The following ANO5 variants were observed in gnomAD, a reference collection of about 807,000 sequenced individuals.
ANO5 encodes the protein anoctamin-5.
ANO5 carries 109 observed loss-of-function variants against 121.0 expected under a neutral mutation model. That is an observed-to-expected ratio of 0.90 (90% CI 0.77 to 1.06). ANO5 has a LOEUF of 1.06. ANO5 is among the 50% of genes least tolerant of loss of function. ANO5 has a pLI of 0.00. For synonymous variants in ANO5, 406 were observed against 359.9 expected, an observed-to-expected ratio of 1.13 and a Z score of -1.45; for missense variants, 1,064 against 1,078.5, an observed-to-expected ratio of 0.99 and a Z score of 0.19.
chr11:22,275,681 AG>A (rs1854813718), intron 20 of ANO5, among the ~76,000 whole-genome samples: 1 of 151,912 alleles, frequency 6.6e-6, no homozygotes. Context: ...AGAAGATAGA[AG>A]TGGCCTATAT....
At chr11:22,204,588 G>C (rs1335433841) in intron 2 of ANO5, among the ~76,000 whole-genome samples, 1 of 152,090 alleles carries the variant, frequency 6.6e-6, no homozygotes, top group African/African-American at 2.4e-5. Flanking sequence ...TTGGCTATTT[G>C]CTAGTTGGCT....
At chr11:22,241,216 A>T (rs1853418534) in intron 9 of ANO5, among the ~76,000 whole-genome samples, 1 of 152,172 alleles carries the variant, frequency 6.6e-6, no homozygotes, top group Non-Finnish European at 1.5e-5. Context: ...AGTCATCCTT[A>T]TGTCTATGTG....
chr11:22,219,294 C>A (rs2133581606), intron 4 of ANO5, among the ~76,000 whole-genome samples: 1 of 152,092 alleles, frequency 6.6e-6, no homozygotes, highest in South Asian at 2.1e-4. Flanking sequence ...ACTGAGCACT[C>A]CGGAAAATCA....
chr11:22,222,873 C>G (rs909136784), intron 5 of ANO5, among the ~76,000 whole-genome samples: 6 of 151,962 alleles, frequency 3.9e-5, no homozygotes, highest in African/African-American at 1.4e-4. Flanking sequence ...TTTTCTCCCA[C>G]TTTCTTAGAT....
chr11:22,221,118 A>G lies in ANO5; in HGVS notation c.202A>G (p.Lys68Glu). The G allele has an allele frequency of 6.2e-7, 1 of 1,611,718 alleles. No individual in the cohort carries two copies. The highest frequency in any genetic ancestry group is 8.5e-7 in the Non-Finnish European group (1 of 1,178,548). ...GCAGTTTCAAAAAAATCAGCAAAGC[A>G]AAGATTCTATCTTCTTCCGAGATGG... ...RLMFQKNQQS[K>E]DSIFFRDGIR... is the part of the protein sequence containing the mutation. Residue 68 changes from lysine to glutamate, a missense_variant, in exon 5 of 22, where the codon AAA (lysine) becomes GAA (glutamate). By Grantham distance (56) the Lys-to-Glu change is moderately conservative (BLOSUM62 1). Coordinates refer to ENST00000324559, the MANE Select transcript of ANO5 (RefSeq NM_213599.3).
At chr11:22,229,464 G>A (rs1295630348) in intron 7 of ANO5, among the ~76,000 whole-genome samples, 1 of 151,596 alleles carries the variant, frequency 6.6e-6, no homozygotes, top group Non-Finnish European at 1.5e-5. Flanking sequence ...GGATTTATGG[G>A]AATAAAGAGC....
chr11:22,241,041 A>G (rs1208924636), intron 9 of ANO5, among the ~76,000 whole-genome samples: 3 of 151,674 alleles, frequency 2.0e-5, no homozygotes, highest in East Asian at 3.9e-4. Context: ...TCAACTTTTT[A>G]ATTTTAGATT....
intron 3 of ANO5, among the ~76,000 whole-genome samples, chr11:22,211,882 G>A (rs1045723276): frequency 6.6e-6 from 1 of 151,922 alleles, no homozygotes; most frequent in Non-Finnish European, 1.5e-5. Flanking sequence ...TAGCAAGGAT[G>A]ATAGTTTGCT....
Position 22,230,005 on chromosome 11 carries a change from G to A in ANO5, c.648+2419G>A, listed in dbSNP as rs1376817724. Reference sequence around the variant, plus strand: ...ATTTCACAACAATCATGGCATCTGAGCTTCACAATATATAGTAAATAATAT... The same window carrying A: ...ATTTCACAACAATCATGGCATCTGAACTTCACAATATATAGTAAATAATAT... On this transcript the variant is annotated intron_variant, in intron 7 of 21. Transcript: ENST00000324559. Among the ~76,000 whole-genome samples, 8 of 151,978 alleles carry A rather than the reference G, an allele frequency of 5.3e-5. No homozygotes were observed. In the East Asian group the frequency reaches 1.5e-3, roughly 29 times the overall value.
rs147687345 is a variant in ANO5 at position 22,239,809 on chromosome 11, C to T, written c.878+125C>T. Reference sequence around the variant, plus strand: ...ATTTCACAACTTCTTGATTTCATATCTACACTATAAATTAGCAATTCATTT... The same window carrying T: ...ATTTCACAACTTCTTGATTTCATATTTACACTATAAATTAGCAATTCATTT... On this transcript the variant is annotated intron_variant, in intron 9 of 21. Coordinates refer to ENST00000324559, the MANE Select transcript of ANO5 (RefSeq NM_213599.3). 414 of 730,630 alleles carry T rather than the reference C, an allele frequency of 5.7e-4. 4 individuals are homozygous for T. The East Asian group carries it at 9.8e-3, about 17-fold the overall frequency. 45.3% of individuals were successfully genotyped at this position (730,630 alleles called of 1,614,324 possible). A position where few individuals can be genotyped will look rare whatever the true frequency, so the allele number is the denominator to read the frequency against.
rs1203866430 is a variant in ANO5, at chr11:22,239,607, C to T, written c.801C>T (p.Thr267=). The change falls in exon 9 of 22, where the codon ACC becomes ACT. Residue 267 remains threonine, a synonymous_variant. Coordinates refer to ENST00000324559, the MANE Select transcript of ANO5 (RefSeq NM_213599.3). ...AGCCATCAGAACCTCCCAATCCTAC[C>T]AATGAAAGATACACACTTCACCAGA... ...YWKPSEPPNP[T]NERYTLHQNW... is the part of the protein sequence containing the mutation. The T allele has an allele frequency of 6.2e-7, 1 of 1,612,864 alleles. No homozygotes were observed. Among genetic ancestry groups the T allele is most frequent in the Non-Finnish European group, 8.5e-7 (1 of 1,179,126 alleles).
In ANO5 at chr11:22,250,777, G is replaced by T. The variant is rs373859984; in HGVS notation, c.1050G>T (p.Met350Ile). ...GTGACCCTGAGATTGGTGGTCAGATGATCATGTGCCCACTCTGTGATCAAG... is the reference window on the plus strand; with the variant it reads ...GTGACCCTGAGATTGGTGGTCAGATTATCATGTGCCCACTCTGTGATCAAG... ...EICDPEIGGQ[M>I]IMCPLCDQVC... is the part of the protein sequence containing the mutation. Residue 350 changes from methionine (M) to isoleucine (I), a missense_variant, in exon 11 of 22, where the codon ATG becomes ATT. Transcript: ENST00000324559. 2.5e-6 allele frequency: 4 copies of T among 1,614,040 alleles called. No homozygotes were observed. The Admixed American group carries it at 6.7e-5, about 27-fold the overall frequency.
chr11:22,214,718 A>G (rs1852384759), intron 3 of ANO5, among the ~76,000 whole-genome samples: 1 of 151,974 alleles, frequency 6.6e-6, no homozygotes, highest in Non-Finnish European at 1.5e-5. Context: ...CATTCGTGAG[A>G]AGCAAGAGGT....
At position 22,282,934 on chromosome 11, in the gene ANO5, A is replaced by AT. The variant is rs1184813361; in HGVS notation, c.*3171dup. On this transcript the variant is annotated 3_prime_UTR_variant, in exon 22 of 22. Coordinates refer to ENST00000324559, the MANE Select transcript of ANO5 (RefSeq NM_213599.3). ...GAAAAATAGCATTGCAAAAAGTACC[A>AT]TTGGCCAGCCTTACAAGTCAGCCAC... The AT allele has an allele frequency of 6.6e-6, 1 of 152,164 alleles. No homozygotes were observed. Among genetic ancestry groups the AT allele is most frequent in the Non-Finnish European group, 1.5e-5 (1 of 68,014 alleles). 9.4% of individuals were successfully genotyped at this position (152,164 alleles called of 1,614,324 possible).
chr11:22,263,925 G>T (rs1854276491), intron 17 of ANO5, among the ~76,000 whole-genome samples: 1 of 151,420 alleles, frequency 6.6e-6, no homozygotes, highest in South Asian at 2.1e-4. Context: ...ACTAACAAAA[G>T]AAGAACATGG....
rs116785682 is a variant in ANO5 at position 22,210,892 on chromosome 11, A to G, written c.88-372A>G. On this transcript the variant is annotated intron_variant, in intron 2 of 21. Coordinates refer to ENST00000324559, the MANE Select transcript of ANO5 (RefSeq NM_213599.3). The stretch of plus-strand genomic sequence containing the variant: ...GGTCCTCTTCAGGATGCAGCATCAT[A>G]AAAAGATTAGACCTCCTTGTTATTT... Among the ~76,000 whole-genome samples the G allele has an allele frequency of 6.6e-3, 1,007 of 152,062 alleles. 12 individuals are homozygous for G. Among genetic ancestry groups the G allele is most frequent in the African/African-American group, 0.023 (953 of 41,544 alleles).
At chr11:22,243,988 C>G (rs549246609) in intron 9 of ANO5, among the ~76,000 whole-genome samples, 2 of 57,474 alleles carry the variant, frequency 3.5e-5, no homozygotes, top group East Asian at 5.9e-4. Flanking sequence ...ATTGTATAGT[C>G]TCTTTATAGT....
chr11:22,254,751 A>G (rs1257641086), intron 12 of ANO5, among the ~76,000 whole-genome samples: 2 of 152,144 alleles, frequency 1.3e-5, no homozygotes, highest in East Asian at 3.9e-4. Context: ...TTTTCTGTAA[A>G]TATATATTCT....
At chr11:22,192,692 C>T (rs894790475), upstream of ANO5, among the ~76,000 whole-genome samples, 1 of 152,192 alleles carries the variant, frequency 6.6e-6, no homozygotes, top group Non-Finnish European at 1.5e-5. Flanking sequence ...TCGGGACCCC[C>T]TTTGGGGATC....
Sources: gnomAD v4.1 joint callset for allele counts (sites outside exome capture counted in the v4.1 genomes callset) on GRCh38, gnomAD v4.1.1 for gene constraint, MANE v1.5 for transcripts, NCBI Gene and HGNC (gene_info 2026-07-23, HGNC 2026-07-21) for gene names.